Variants in HSD17B12 observed in about 807,000 individuals in gnomAD.
The protein encoded by HSD17B12 is very-long-chain 3-oxoacyl-CoA reductase.
Under a neutral mutation model 39.3 loss-of-function variants are expected in HSD17B12, and 32 were observed. That is an observed-to-expected ratio of 0.81 (90% CI 0.61 to 1.09). HSD17B12 has a LOEUF of 1.09. Among genes scored for constraint, HSD17B12 ranks in the 50% least tolerant of loss-of-function variants. The probability of loss-of-function intolerance (pLI) is 0.00; values close to 1 mark genes in which losing one functional copy is unlikely to be tolerated. For missense variants in HSD17B12, 342 were observed against 382.9 expected, an observed-to-expected ratio of 0.89 and a Z score of 0.89; for synonymous variants, 150 against 146.7, an observed-to-expected ratio of 1.02 and a Z score of -0.16.
At chr11:43,683,735 A>G (rs956556808) in intron 1 of HSD17B12, among the ~76,000 whole-genome samples, 3 of 152,126 alleles carry the variant, frequency 2.0e-5, no homozygotes, top group African/African-American at 7.2e-5. Context: ...TTCTAGTACT[A>G]ATATTTAATA....
intron 3 of HSD17B12, among the ~76,000 whole-genome samples, chr11:43,763,886 A>G (rs866146796): frequency 1.3e-5 from 2 of 151,930 alleles, no homozygotes; most frequent in Non-Finnish European, 2.9e-5. Context: ...AGAATTATAG[A>G]TATTATATTT....
In HSD17B12 at chr11:43,845,725, C is replaced by T. The variant is rs150763285; in HGVS notation, c.684+5661C>T. 3.5e-3 allele frequency among the ~76,000 whole-genome samples: 529 copies of T among 152,158 alleles called. 5 individuals are homozygous for T. Among genetic ancestry groups the T allele is most frequent in the African/African-American group, 0.012 (511 of 41,476 alleles). ...AGATCCATCTGCTCTTCATTGGTGG[C>T]GATGTTTCTGATCCCCCACTCTAGG... On this transcript the variant is annotated intron_variant, in intron 9 of 10. Coordinates refer to ENST00000278353, the MANE Select transcript of HSD17B12 (RefSeq NM_016142.3).
chr11:43,635,688 C>T, the HSD17B12 span, among the ~76,000 whole-genome samples: 1 of 152,136 alleles, frequency 6.6e-6, no homozygotes, highest in African/African-American at 2.4e-5. Context: ...TATAAAGTAA[C>T]TGAAAGTCTG....
chr11:43,777,044 C>T (rs1950713030), intron 3 of HSD17B12, among the ~76,000 whole-genome samples: 2 of 152,122 alleles, frequency 1.3e-5, no homozygotes, highest in South Asian at 4.2e-4. Context: ...TAGTGTGATG[C>T]CTCCAGCTTT....
chr11:43,685,235 T>C (rs1245696517), intron 1 of HSD17B12, among the ~76,000 whole-genome samples: 1 of 152,186 alleles, frequency 6.6e-6, no homozygotes, highest in Non-Finnish European at 1.5e-5. Context: ...GACTTAAAAA[T>C]GGCATGGAAT....
chr11:43,629,003 G>T, the HSD17B12 span, among the ~76,000 whole-genome samples: 1 of 151,982 alleles, frequency 6.6e-6, no homozygotes, highest in Non-Finnish European at 1.5e-5. Flanking sequence ...TTCAACCAAT[G>T]TCTGGATCTA....
At chr11:43,822,283 CA>C (rs1197811069) in intron 6 of HSD17B12, among the ~76,000 whole-genome samples, 11 of 152,120 alleles carry the variant, frequency 7.2e-5, no homozygotes, top group Non-Finnish European at 1.2e-4. Context: ...GCATCTCAAG[CA>C]GGGGGTTATA....
intron 1 of HSD17B12, among the ~76,000 whole-genome samples, chr11:43,690,375 TATATATATATATATATATATATATATA>T (rs1565049554): frequency 7.3e-5 from 1 of 13,786 alleles, no homozygotes; most frequent in Non-Finnish European, 1.2e-4. Context: ...TATATATATA[TATATATATATATATATATATATATATA>T]TATTTTTTTT....
At chr11:43,597,759 C>G in the HSD17B12 span, among the ~76,000 whole-genome samples, 1 of 152,118 alleles carries the variant, frequency 6.6e-6, no homozygotes, top group Non-Finnish European at 1.5e-5. Flanking sequence ...CTCAGCCTCC[C>G]GAGGAGCTGG....
chr11:43,738,891 T>G (rs1436304048), intron 1 of HSD17B12, among the ~76,000 whole-genome samples: 2 of 151,996 alleles, frequency 1.3e-5, no homozygotes, highest in African/African-American at 4.8e-5. Context: ...CCGAAAGCAC[T>G]CTCCAAAACA....
At chr11:43,854,529 A>G in intron 9 of HSD17B12, 186 bp from the exon 10 acceptor site, 1 of 562,724 alleles carries the variant, frequency 1.8e-6, no homozygotes, top group Non-Finnish European at 3.1e-6. Context: ...TTGATTTGTT[A>G]CAATTTGTTT....
the HSD17B12 span, among the ~76,000 whole-genome samples, chr11:43,653,765 G>T: frequency 6.6e-6 from 1 of 152,152 alleles, no homozygotes; most frequent in African/African-American, 2.4e-5. Flanking sequence ...ATTCCATGGT[G>T]TATATGTGCC....
At chr11:43,610,467 A>G in the HSD17B12 span, among the ~76,000 whole-genome samples, 1 of 152,200 alleles carries the variant, frequency 6.6e-6, no homozygotes, top group Non-Finnish European at 1.5e-5. Flanking sequence ...CACTAGCTCA[A>G]TAGGAGTCAA....
At chr11:43,614,438 C>G in the HSD17B12 span, among the ~76,000 whole-genome samples, 1 of 152,086 alleles carries the variant, frequency 6.6e-6, no homozygotes, top group East Asian at 1.9e-4. Flanking sequence ...TTTTCTTCCC[C>G]CCATAGCACT....
At chr11:43,758,730 T>A (rs1950532504) in intron 3 of HSD17B12, among the ~76,000 whole-genome samples, 1 of 152,190 alleles carries the variant, frequency 6.6e-6, no homozygotes, top group Non-Finnish European at 1.5e-5. Context: ...TAGCACAGTC[T>A]TTGTACTCAT....
chr11:43,774,242 T>C (rs557902753), intron 3 of HSD17B12, among the ~76,000 whole-genome samples: 1 of 151,160 alleles, frequency 6.6e-6, no homozygotes, highest in Admixed American at 6.6e-5. Flanking sequence ...TGAGATGGAG[T>C]CTCGCTCTGT....
the HSD17B12 span, among the ~76,000 whole-genome samples, chr11:43,664,726 G>A: frequency 1.3e-5 from 2 of 152,138 alleles, no homozygotes; most frequent in African/African-American, 2.4e-5. Flanking sequence ...GTGCCCACAA[G>A]TCCCTAAGAG....
At chr11:43,556,800 C>T in the HSD17B12 span, 4 of 150,338 alleles carry the variant, frequency 2.7e-5, no homozygotes, top group South Asian at 6.4e-4. Context: ...CGTGAAATCC[C>T]GAGCTTTTTG....
At chr11:43,738,547 G>A (rs1381872773) in intron 1 of HSD17B12, among the ~76,000 whole-genome samples, 1 of 152,226 alleles carries the variant, frequency 6.6e-6, no homozygotes, top group Non-Finnish European at 1.5e-5. Context: ...TTGACGTTGA[G>A]AGGAGGCTGA....
Sources: gnomAD v4.1 joint callset for allele counts (sites outside exome capture counted in the v4.1 genomes callset) on GRCh38, gnomAD v4.1.1 for gene constraint, MANE v1.5 for transcripts, NCBI Gene and HGNC (gene_info 2026-07-23, HGNC 2026-07-21) for gene names.